AGBL1: variants seen among roughly 807,000 people sequenced by gnomAD.
AGBL1 encodes AGBL carboxypeptidase 1, also known as cytosolic carboxypeptidase 4.
Under a neutral mutation model 118.9 loss-of-function variants are expected in AGBL1, and 130 were observed. That is an observed-to-expected ratio of 1.09 (90% CI 0.95 to 1.26). The LOEUF is 1.26. AGBL1 is among the 50% of genes most tolerant of loss of function. AGBL1 has a pLI of 0.00. For missense variants in AGBL1, 1,584 were observed against 1,298.1 expected, an observed-to-expected ratio of 1.22 and a Z score of -3.38; for synonymous variants, 555 against 478.9, an observed-to-expected ratio of 1.16 and a Z score of -2.08.
chr15:86,573,967 A>G (rs965131401), intron 21 of AGBL1, among the ~76,000 whole-genome samples: 22 of 152,250 alleles, frequency 1.4e-4, no homozygotes, highest in Non-Finnish European at 2.8e-4. Context: ...AATGATGTAT[A>G]GTTTACAAAA....
intron 22 of AGBL1, among the ~76,000 whole-genome samples, chr15:86,776,169 T>A (rs1339956133): frequency 6.6e-6 from 1 of 152,174 alleles, no homozygotes; most frequent in Non-Finnish European, 1.5e-5. Context: ...TTCATTCTAA[T>A]GGCTGTATAT....
intron 17 of AGBL1, among the ~76,000 whole-genome samples, chr15:86,396,209 G>A (rs570945537): frequency 1.6e-4 from 21 of 133,886 alleles, no homozygotes; most frequent in African/African-American, 2.4e-4. Context: ...AATCATATAC[G>A]TGTGTGTGTA....
At chr15:86,098,553 C>T (rs1896522356) in intron 1 of AGBL1, among the ~76,000 whole-genome samples, 1 of 152,150 alleles carries the variant, frequency 6.6e-6, no homozygotes, top group East Asian at 1.9e-4. Context: ...TTCCCACCAC[C>T]ATTTGTTGAA....
intron 5 of AGBL1, among the ~76,000 whole-genome samples, chr15:86,194,508 C>A (rs2077769979): frequency 6.6e-6 from 1 of 152,192 alleles, no homozygotes. Context: ...TCAGGATTTC[C>A]ATGATGATGG....
chr15:86,908,036 A>G lies in AGBL1; in HGVS notation c.*742A>G, dbSNP rs2080303948. ...TACTGGAAAATTTATTCATTTCAGA[A>G]TCTGACAGATATGGTTCATATGCTA... On this transcript the variant is annotated 3_prime_UTR_variant, in exon 23 of 23. Transcript: ENST00000614907. 6.6e-6 allele frequency: 1 copy of G among 152,226 alleles called. No individual in the cohort carries two copies. Among genetic ancestry groups the G allele is most frequent in the Non-Finnish European group, 1.5e-5 (1 of 68,044 alleles). The allele number at this position is 152,226 out of a possible 1,614,324, so 9.4% of individuals were successfully genotyped here.
intron 1 of AGBL1, among the ~76,000 whole-genome samples, chr15:86,137,161 T>G (rs1357357765): frequency 6.6e-6 from 1 of 152,238 alleles, no homozygotes; most frequent in Non-Finnish European, 1.5e-5. Context: ...AGATTATTTT[T>G]CTCCACTGAT....
At chr15:86,467,085 C>T (rs2142095495) in intron 18 of AGBL1, among the ~76,000 whole-genome samples, 1 of 152,366 alleles carries the variant, frequency 6.6e-6, no homozygotes, top group South Asian at 2.1e-4. Flanking sequence ...CACCCTTTCC[C>T]TCAGGGGGTC....
intron 17 of AGBL1, among the ~76,000 whole-genome samples, chr15:86,316,281 G>C (rs552309975): frequency 1.3e-5 from 2 of 152,144 alleles, no homozygotes; most frequent in Non-Finnish European, 2.9e-5. Context: ...GGAGTGAAAG[G>C]CTCTTCCAGA....
intron 22 of AGBL1, among the ~76,000 whole-genome samples, chr15:86,764,682 C>A (rs576058763): frequency 4.5e-4 from 69 of 152,098 alleles, no homozygotes; most frequent in African/African-American, 1.5e-3. Flanking sequence ...GCAAAGACTT[C>A]CCTTTCTAAT....
intron 23 of AGBL1, among the ~76,000 whole-genome samples, chr15:86,982,232 A>G (rs117611328): frequency 0.034 from 5,201 of 152,248 alleles, 127 homozygotes; most frequent in Middle Eastern, 0.068. Flanking sequence ...GAATGGTTTT[A>G]AAATTGTCAA....
chr15:86,535,013 T>G (rs2083405235), intron 19 of AGBL1, among the ~76,000 whole-genome samples: 1 of 152,182 alleles, frequency 6.6e-6, no homozygotes. Flanking sequence ...TTTTTCACTC[T>G]AGGTACACAT....
intron 18 of AGBL1, among the ~76,000 whole-genome samples, chr15:86,464,476 G>A (rs1192488472): frequency 6.6e-6 from 1 of 152,140 alleles, no homozygotes; most frequent in African/African-American, 2.4e-5. Flanking sequence ...CCAATACTAT[G>A]TTGAATAGGA....
rs142790347 is a variant in AGBL1 at position 86,566,440 on chromosome 15, G to A, written c.2994+11903G>A. ...CACCTTTCTAGAGTATACAAAGAGG[G>A]CTGAGAGGAATGTAATACATTAAGT... On this transcript the variant is annotated intron_variant, in intron 21 of 22. Coordinates refer to ENST00000614907, the MANE Select transcript of AGBL1 (RefSeq NM_001386094.1). Among the ~76,000 whole-genome samples, 208 of 152,242 alleles carry A rather than the reference G, an allele frequency of 1.4e-3. 1 individual carries two copies. Among genetic ancestry groups the A allele is most frequent in the African/African-American group, 4.9e-3 (203 of 41,530 alleles).
chr15:86,632,274 T>TAAAAAA (rs138490379), intron 21 of AGBL1, among the ~76,000 whole-genome samples: 2,131 of 124,984 alleles, frequency 0.017, 68 homozygotes, highest in African/African-American at 0.064. Flanking sequence ...TCTTTCTCTT[T>TAAAAAA]AAAAAAAAAA....
chr15:86,683,009 C>T (rs1305077824), intron 22 of AGBL1, among the ~76,000 whole-genome samples: 1 of 152,108 alleles, frequency 6.6e-6, no homozygotes, highest in Non-Finnish European at 1.5e-5. Context: ...CTACTTTTGC[C>T]TAACTCCATG....
intron 1 of AGBL1, among the ~76,000 whole-genome samples, chr15:86,125,227 T>TA (rs1316464048): frequency 6.6e-6 from 1 of 152,214 alleles, no homozygotes; most frequent in Non-Finnish European, 1.5e-5. Context: ...CACCCTGTGA[T>TA]AGCCATGGTT....
At chr15:86,653,879 T>A (rs1195757917) in intron 21 of AGBL1, among the ~76,000 whole-genome samples, 1 of 151,392 alleles carries the variant, frequency 6.6e-6, no homozygotes, top group Non-Finnish European at 1.5e-5. Flanking sequence ...CTAGAGCTCA[T>A]TTTTTTTTAA....
At chr15:86,559,466 C>A (rs2083782529) in intron 21 of AGBL1, among the ~76,000 whole-genome samples, 1 of 152,064 alleles carries the variant, frequency 6.6e-6, no homozygotes, top group African/African-American at 2.4e-5. Context: ...TGAAAAGTTT[C>A]AGATTTTCTT....
intron 5 of AGBL1, among the ~76,000 whole-genome samples, chr15:86,181,538 G>C (rs1317128717): frequency 6.6e-6 from 1 of 151,828 alleles, no homozygotes; most frequent in Non-Finnish European, 1.5e-5. Flanking sequence ...GTAGGAGGGA[G>C]GGATTATAAA....
Sources: allele counts gnomAD v4.1 joint callset (sites outside exome capture counted in the v4.1 genomes callset), GRCh38; gene constraint gnomAD v4.1.1; transcripts MANE v1.5; gene names NCBI Gene and HGNC (gene_info 2026-07-23, HGNC 2026-07-21).